ZBTB40: variants seen among roughly 807,000 people sequenced by gnomAD.
The protein encoded by ZBTB40 is zinc finger and BTB domain containing 40.
ZBTB40 carries 60 observed loss-of-function variants against 117.5 expected under a neutral mutation model. The observed-to-expected ratio is 0.51, with a 90% CI of 0.41 to 0.63. The LOEUF is 0.63. Among genes scored for constraint, ZBTB40 ranks in the 30% least tolerant of loss-of-function variants. The pLI, the probability that ZBTB40 is intolerant of heterozygous loss-of-function variation, is 0.00. For missense variants in ZBTB40, 1,287 were observed against 1,498.5 expected, an observed-to-expected ratio of 0.86 and a Z score of 2.33; for synonymous variants, 525 against 577.1, an observed-to-expected ratio of 0.91 and a Z score of 1.29.
At chr1:22,505,579 A>G (rs976531168) in intron 5 of ZBTB40, among the ~76,000 whole-genome samples, 26 of 152,238 alleles carry the variant, frequency 1.7e-4, no homozygotes, top group African/African-American at 6.0e-4. Context: ...TCAGATTACT[A>G]TGCAAGTAAA....
chr1:22,508,140 AAG>A lies in ZBTB40; in HGVS notation c.1497+8_1497+9del. 1 of 1,613,698 alleles carries A rather than the reference AAG, an allele frequency of 6.2e-7. No homozygotes were observed. Among genetic ancestry groups the A allele is most frequent in the Non-Finnish European group, 8.5e-7 (1 of 1,179,988 alleles). On this transcript the variant is annotated splice_donor_5th_base_variant and intron_variant, in intron 7 of 17. Coordinates refer to ENST00000375647, the MANE Select transcript of ZBTB40 (RefSeq NM_014870.4). The stretch of plus-strand genomic sequence containing the variant: ...GTTTAGCCCCTGGAGAAAGAGAGGT[AAG>A]AGAGGGAGAGAAACAGAGGGAGGGG...
At chr1:22,456,874 T>C (rs1641016543) in intron 1 of ZBTB40, among the ~76,000 whole-genome samples, 1 of 152,196 alleles carries the variant, frequency 6.6e-6, no homozygotes, top group Non-Finnish European at 1.5e-5. Context: ...TTTCTACTGA[T>C]AGAGGAAAGG....
chr1:22,432,251 A>G (rs1163711542), intron 1 of ZBTB40, among the ~76,000 whole-genome samples: 3 of 152,178 alleles, frequency 2.0e-5, no homozygotes, highest in African/African-American at 7.2e-5. Context: ...TATAGGAAAT[A>G]TAGTGATAGA....
At chr1:22,447,602 A>G (rs1640804471), upstream of ZBTB40, among the ~76,000 whole-genome samples, 1 of 152,238 alleles carries the variant, frequency 6.6e-6, no homozygotes, top group Admixed American at 6.5e-5. Context: ...AAACTATTCC[A>G]TCCTTCTAAA....
intron 1 of ZBTB40, among the ~76,000 whole-genome samples, chr1:22,473,056 C>A (rs1254998484): frequency 6.6e-6 from 1 of 152,164 alleles, no homozygotes; most frequent in Non-Finnish European, 1.5e-5. Flanking sequence ...TGACTTGTGA[C>A]TTTCTAGAGG....
intron 1 of ZBTB40, among the ~76,000 whole-genome samples, chr1:22,438,310 T>C (rs191483654): frequency 1.6e-4 from 24 of 151,528 alleles, no homozygotes; most frequent in African/African-American, 5.5e-4. Flanking sequence ...TCACTTAACA[T>C]AATGTCTTCA....
chr1:22,481,160 A>G (rs1166563009), intron 1 of ZBTB40, among the ~76,000 whole-genome samples: 1 of 152,034 alleles, frequency 6.6e-6, no homozygotes, highest in Middle Eastern at 3.4e-3. Context: ...TTTCAAGCCT[A>G]TGTATTTTAA....
At chr1:22,521,446 C>G in intron 14 of ZBTB40, 50 bp from the exon 15 acceptor site, 1 of 1,613,354 alleles carries the variant, frequency 6.2e-7, no homozygotes, top group Non-Finnish European at 8.5e-7. Flanking sequence ...CGTGAGCTCT[C>G]CAGCTTGCTG....
chr1:22,481,725 A>C (rs1638323922), intron 1 of ZBTB40, among the ~76,000 whole-genome samples: 1 of 144,596 alleles, frequency 6.9e-6, no homozygotes. Context: ...AAAAAGATCT[A>C]ATGTATGTCC....
At chr1:22,438,837 C>A (rs1640701110) in intron 1 of ZBTB40, among the ~76,000 whole-genome samples, 2 of 152,018 alleles carry the variant, frequency 1.3e-5, no homozygotes, top group South Asian at 2.1e-4. Flanking sequence ...GAGAAATATT[C>A]TTTTGCCCAT....
chr1:22,436,039 T>G (rs1640666027), intron 1 of ZBTB40, among the ~76,000 whole-genome samples: 1 of 151,946 alleles, frequency 6.6e-6, no homozygotes. Flanking sequence ...TAACTAGAAC[T>G]CTTGCATATT....
At chr1:22,519,991 A>G in intron 13 of ZBTB40, 70 bp from the exon 14 acceptor site, 1 of 1,393,354 alleles carries the variant, frequency 7.2e-7, no homozygotes, top group South Asian at 1.2e-5. Flanking sequence ...CCAGTGTTTC[A>G]CTGATGGCTG....
chr1:22,441,087 C>A (rs1458144203), intron 1 of ZBTB40, among the ~76,000 whole-genome samples: 1 of 152,082 alleles, frequency 6.6e-6, no homozygotes, highest in Admixed American at 6.5e-5. Flanking sequence ...GGTAAATTCA[C>A]CTGTAAAGCC....
chr1:22,526,222 G>A lies in ZBTB40; in HGVS notation c.3546G>A (p.Pro1182=), dbSNP rs881646. ...TTCAGGTGATCCAAACCCCAGAGCCGGTGGCCCCGACAGAGCAGGTGATCA... is the reference window on the plus strand; with the variant it reads ...TTCAGGTGATCCAAACCCCAGAGCCAGTGGCCCCGACAGAGCAGGTGATCA... ...QMAQVIQTPE[P]VAPTEQVITL... The change falls in exon 18 of 18, where the codon CCG becomes CCA. Residue 1182 remains proline, a synonymous_variant. Transcript: ENST00000375647. The A allele has an allele frequency of 3.7e-6, 6 of 1,613,956 alleles. No individual in the cohort carries two copies. The highest frequency in any genetic ancestry group is 1.1e-5 in the South Asian group (1 of 91,074).
intron 4 of ZBTB40, among the ~76,000 whole-genome samples, chr1:22,502,080 G>C (rs1044545786): frequency 6.6e-6 from 1 of 152,222 alleles, no homozygotes; most frequent in Non-Finnish European, 1.5e-5. Context: ...TGGCTCTGCA[G>C]CTTTGTGTTT....
At chr1:22,505,601 G>A (rs1438088797) in intron 5 of ZBTB40, among the ~76,000 whole-genome samples, 2 of 152,060 alleles carry the variant, frequency 1.3e-5, no homozygotes, top group Non-Finnish European at 2.9e-5. Flanking sequence ...TAAAACAATG[G>A]AATTATAACC....
intron 1 of ZBTB40, among the ~76,000 whole-genome samples, chr1:22,438,494 A>G (rs778433182): frequency 5.3e-5 from 8 of 152,194 alleles, no homozygotes; most frequent in Admixed American, 1.3e-4. Flanking sequence ...GGGTGTACAA[A>G]TATCTCTTTG....
chr1:22,452,494 G>A (rs1054661937), intron 1 of ZBTB40, among the ~76,000 whole-genome samples: 2 of 152,198 alleles, frequency 1.3e-5, no homozygotes, highest in African/African-American at 4.8e-5. Flanking sequence ...ATGAAATCAA[G>A]TCCATAAATG....
Position 22,490,132 on chromosome 1 carries a change from G to A in ZBTB40, c.184G>A (p.Asp62Asn), listed in dbSNP as rs1308632652. The change falls in exon 2 of 18, where the codon GAT (aspartate) becomes AAT (asparagine). Residue 62 changes from aspartate (D) to asparagine (N), a missense_variant. This residue lies in a region of ZBTB40 where 870 missense variants were observed against 934.4 expected (regional missense o/e 0.93). Coordinates refer to ENST00000375647, the MANE Select transcript of ZBTB40 (RefSeq NM_014870.4). ...LLDNTDTISI[D>N]ASVVSPEEFA... is the part of the protein sequence containing the mutation. ...GGATAACACAGATACCATCTCCATC[G>A]ATGCATCTGTGGTGAGCCCCGAGGA... The A allele has an allele frequency of 1.4e-5, 22 of 1,614,138 alleles. No individual in the cohort carries two copies. Among genetic ancestry groups the A allele is most frequent in the South Asian group, 2.2e-5 (2 of 91,070 alleles).
Sources: allele counts gnomAD v4.1 joint callset (sites outside exome capture counted in the v4.1 genomes callset), GRCh38; gene constraint gnomAD v4.1.1; regional missense constraint gnomAD v4.1.1; transcripts MANE v1.5; gene names NCBI Gene and HGNC (gene_info 2026-07-23, HGNC 2026-07-21).